TYW1B: variants seen among roughly 807,000 people sequenced by gnomAD.
TYW1B encodes the protein tRNA-yW synthesizing protein 1 homolog B, also known as S-adenosyl-L-methionine-dependent tRNA 4-demethylwyosine synthase TYW1B.
Under a neutral mutation model 86.9 loss-of-function variants are expected in TYW1B, and 73 were observed. The observed-to-expected ratio is 0.84, with a 90% CI of 0.70 to 1.02. TYW1B has a LOEUF of 1.02. Among genes scored for constraint, TYW1B ranks in the 50% least tolerant of loss-of-function variants. TYW1B has a pLI of 0.00. For missense variants in TYW1B, 637 were observed against 827.4 expected (o/e 0.77, Z 2.82); for synonymous variants, 248 against 292.8 (o/e 0.85, Z 1.56).
chr7:72,727,831 A>AAG (rs782674421), intron 9 of TYW1B, among the ~76,000 whole-genome samples: 38,340 of 99,584 alleles, frequency 0.39, 7,431 homozygotes, highest in Non-Finnish European at 0.5. Context: ...AAAAAAAAAA[A>AAG]AAGAAGAAAG....
intron 10 of TYW1B, among the ~76,000 whole-genome samples, chr7:72,712,348 G>A (rs567375378): frequency 6.6e-6 from 1 of 152,008 alleles, no homozygotes; most frequent in African/African-American, 2.4e-5. Context: ...TTTTTTTTGA[G>A]TCAGAGTTTC....
chr7:72,817,099 C>T (rs1489406160), intron 2 of TYW1B, among the ~76,000 whole-genome samples: 1 of 151,980 alleles, frequency 6.6e-6, no homozygotes, highest in Non-Finnish European at 1.5e-5. Context: ...AGCATGAGAA[C>T]TGGTATAGAA....
chr7:72,751,347 T>C (rs1186907646), intron 7 of TYW1B, among the ~76,000 whole-genome samples: 2 of 152,148 alleles, frequency 1.3e-5, no homozygotes, highest in Non-Finnish European at 2.9e-5. Context: ...ACAGATTGGG[T>C]AAATTCTCTT....
At chr7:72,594,341 TAAA>T (rs58495459) in intron 13 of TYW1B, among the ~76,000 whole-genome samples, 1 of 140,768 alleles carries the variant, frequency 7.1e-6, no homozygotes, top group African/African-American at 2.6e-5. Flanking sequence ...AATTCTGCAT[TAAA>T]AAAAAAAAAA....
intron 7 of TYW1B, among the ~76,000 whole-genome samples, chr7:72,776,379 TTC>T: frequency 6.6e-6 from 1 of 150,892 alleles, no homozygotes; most frequent in Non-Finnish European, 1.5e-5. Context: ...AGGCCAGGAG[TTC>T]AAGACCAGCA....
intron 2 of TYW1B, among the ~76,000 whole-genome samples, chr7:72,820,378 G>C (rs1310062331): frequency 1.3e-5 from 2 of 152,088 alleles, no homozygotes; most frequent in Non-Finnish European, 2.9e-5. Flanking sequence ...AAATGCTAAG[G>C]GAATTTATTA....
At chr7:72,656,531 C>T (rs1465006524) in intron 11 of TYW1B, among the ~76,000 whole-genome samples, 1 of 152,006 alleles carries the variant, frequency 6.6e-6, no homozygotes, top group Non-Finnish European at 1.5e-5. Flanking sequence ...TCGCTTCAAC[C>T]TGGGAGGTGG....
chr7:72,762,538 A>G (rs886871841), intron 7 of TYW1B, among the ~76,000 whole-genome samples: 1 of 152,192 alleles, frequency 6.6e-6, no homozygotes, highest in African/African-American at 2.4e-5. Flanking sequence ...TTCCTTCAGT[A>G]TAATTTGATT....
At position 72,749,863 on chromosome 7, in the gene TYW1B, A is replaced by G. The variant is rs1176494203; in HGVS notation, c.965-5262T>C. Among the ~76,000 whole-genome samples, 6 of 148,598 alleles carry G rather than the reference A, an allele frequency of 4.0e-5. No individual in the cohort carries two copies. In the Admixed American group the frequency reaches 4.0e-4, roughly 10 times the overall value. On this transcript the variant is annotated intron_variant, in intron 7 of 13. Coordinates refer to ENST00000620995, the MANE Select transcript of TYW1B (RefSeq NM_001145440.3). ...CTGAGAACTGCTTGAGCTGCATCCT[A>G]CAGATACGTTTAATTCTCATTTTCA...
At chr7:72,714,314 G>C (rs1398485540) in intron 9 of TYW1B, among the ~76,000 whole-genome samples, 2 of 152,030 alleles carry the variant, frequency 1.3e-5, no homozygotes, top group African/African-American at 4.8e-5. Context: ...CACCTGAGGA[G>C]CTTCAAAAAA....
At chr7:72,635,540 C>T in intron 11 of TYW1B, among the ~76,000 whole-genome samples, 1 of 152,156 alleles carries the variant, frequency 6.6e-6, no homozygotes, top group African/African-American at 2.4e-5. Context: ...AAGAACTATC[C>T]AGTCTAAAAT....
intron 8 of TYW1B, among the ~76,000 whole-genome samples, chr7:72,736,500 G>A (rs1281655464): frequency 3.9e-5 from 6 of 152,146 alleles, no homozygotes; most frequent in Non-Finnish European, 5.9e-5. Context: ...TTAATTAGAT[G>A]GGGAGGAAAA....
intron 11 of TYW1B, among the ~76,000 whole-genome samples, chr7:72,682,423 C>T (rs1382434849): frequency 6.6e-6 from 1 of 151,988 alleles, no homozygotes; most frequent in Non-Finnish European, 1.5e-5. Context: ...AACAACTGGG[C>T]TAGGAAAGAA....
At chr7:72,644,560 A>T (rs1208908154) in intron 11 of TYW1B, among the ~76,000 whole-genome samples, 2 of 152,162 alleles carry the variant, frequency 1.3e-5, no homozygotes, top group Non-Finnish European at 2.9e-5. Flanking sequence ...TCAATCAATA[A>T]ATATAAATAA....
chr7:72,638,838 A>G (rs1373534225), intron 11 of TYW1B, among the ~76,000 whole-genome samples: 2 of 152,242 alleles, frequency 1.3e-5, no homozygotes, highest in African/African-American at 4.8e-5. Flanking sequence ...ACAATTATTA[A>G]GTATTCTTGC....
At chr7:72,812,884 G>T (rs1328059994) in intron 3 of TYW1B, among the ~76,000 whole-genome samples, 2 of 151,870 alleles carry the variant, frequency 1.3e-5, no homozygotes, top group African/African-American at 4.8e-5. Flanking sequence ...TAGAGACAGG[G>T]TTTCACCACA....
At chr7:72,684,155 A>C (rs1239509017) in intron 11 of TYW1B, among the ~76,000 whole-genome samples, 2 of 152,208 alleles carry the variant, frequency 1.3e-5, no homozygotes, top group Non-Finnish European at 2.9e-5. Flanking sequence ...AAAGAACAAA[A>C]GTAGTATTTG....
chr7:72,607,937 T>C (rs1554435178), intron 13 of TYW1B, among the ~76,000 whole-genome samples: 1 of 152,154 alleles, frequency 6.6e-6, no homozygotes, highest in African/African-American at 2.4e-5. Flanking sequence ...GACCTGAATA[T>C]TTTTAAAAAT....
intron 11 of TYW1B, among the ~76,000 whole-genome samples, chr7:72,687,212 G>A (rs1334205060): frequency 2.6e-5 from 4 of 152,150 alleles, no homozygotes; most frequent in Non-Finnish European, 5.9e-5. Flanking sequence ...AAGATGGGTG[G>A]ATTACTTGAA....
Sources: allele counts gnomAD v4.1 joint callset (sites outside exome capture counted in the v4.1 genomes callset), GRCh38; gene constraint gnomAD v4.1.1; transcripts MANE v1.5; gene names NCBI Gene and HGNC (gene_info 2026-07-23, HGNC 2026-07-21).